Variants in SYNE1 observed in about 807,000 individuals in gnomAD.
SYNE1 encodes spectrin repeat containing nuclear envelope protein 1.
SYNE1 carries 616 observed loss-of-function variants against 1,111.0 expected under a neutral mutation model. The observed-to-expected ratio is 0.55, with a 90% CI of 0.52 to 0.59. The LOEUF (loss-of-function observed/expected upper bound fraction) is 0.59. Ranked by LOEUF, SYNE1 falls within the 20% of genes least tolerant of loss-of-function variation. SYNE1 has a pLI of 0.00. For missense variants in SYNE1, 10,006 were observed against 10,417.0 expected (o/e 0.96, Z 1.72); for synonymous variants, 3,855 against 3,825.8 (o/e 1.01, Z -0.28).
At chr6:152,186,490 A>C (rs565199519) in intron 128 of SYNE1, among the ~76,000 whole-genome samples, 14 of 133,124 alleles carry the variant, frequency 1.1e-4, no homozygotes, top group African/African-American at 3.9e-4. Context: ...CAGGAGGTGG[A>C]GTCTGCGGTG....
intron 11 of SYNE1, among the ~76,000 whole-genome samples, chr6:152,492,405 C>T (rs565225579): frequency 6.6e-6 from 1 of 152,340 alleles, no homozygotes; most frequent in South Asian, 2.1e-4. Flanking sequence ...AGCCACATCT[C>T]CAGCACACAA....
chr6:152,460,905 C>T lies in SYNE1; in HGVS notation c.2394+692G>A, dbSNP rs559374659. ...TGGGCTCACTGCAACCTCTGCCTCC[C>T]GGGTTCAAGTGATTCTCCTGCCTCA... is the stretch of plus-strand genomic sequence containing the variant. On this transcript the variant is annotated intron_variant, in intron 21 of 145. Transcript: ENST00000367255. 3.1e-3 allele frequency among the ~76,000 whole-genome samples: 464 copies of T among 147,958 alleles called. 2 individuals are homozygous for T. Among genetic ancestry groups the T allele is most frequent in the Non-Finnish European group, 4.7e-3 (318 of 67,386 alleles).
intron 104 of SYNE1, among the ~76,000 whole-genome samples, chr6:152,252,942 G>A (rs1424449761): frequency 6.6e-6 from 1 of 152,128 alleles, no homozygotes; most frequent in Non-Finnish European, 1.5e-5. Context: ...AAGTTTAAAA[G>A]TATGAAAGTA....
intron 145 of SYNE1, chr6:152,127,140 C>T (rs757505546): frequency 2.0e-5 from 3 of 152,090 alleles, no homozygotes; most frequent in Non-Finnish European, 4.4e-5. Flanking sequence ...CCTAAACTAC[C>T]TGAGGCAGCC....
chr6:152,481,644 G>A (rs987091725), intron 14 of SYNE1: 1 of 412,788 alleles, frequency 2.4e-6, no homozygotes, highest in Non-Finnish European at 4.8e-6. Flanking sequence ...TGTTATATAT[G>A]CTTAGTTGCT....
chr6:152,308,549 C>T lies in SYNE1; in HGVS notation c.17286G>A (p.Glu5762=). Residue 5762 remains glutamate, a synonymous_variant, in exon 91 of 146, where the codon GAG becomes GAA. Transcript: ENST00000367255. ...TGTTACTGGTGGCAACAGGTTTATCCTCAATCTCTCTGTGAGCTCCTTCTA... is the reference window on the plus strand; with the variant it reads ...TGTTACTGGTGGCAACAGGTTTATCTTCAATCTCTCTGTGAGCTCCTTCTA... The part of the protein sequence containing the change: ...QLIEGAHREI[E]DKPVATSNIQ... The T allele has an allele frequency of 5.6e-6, 9 of 1,613,796 alleles. No individual in the cohort carries two copies. Among genetic ancestry groups the T allele is most frequent in the Non-Finnish European group, 7.6e-6 (9 of 1,179,984 alleles).
In SYNE1 at chr6:152,409,464, A is replaced by C. The variant is rs569856552; in HGVS notation, c.6381+95T>G. The C allele has an allele frequency of 1.7e-5, 25 of 1,503,064 alleles. No individual in the cohort carries two copies. The African/African-American group carries it at 2.6e-4, about 16-fold the overall frequency. The allele number at this position is 1,503,064 out of a possible 1,614,324, so 93.1% of individuals were successfully genotyped here. ...CATTAGCATGAATTACCCACATCTA[A>C]GTATACTGATAAGAATAGTGCAGAT... is the stretch of plus-strand genomic sequence containing the variant. On this transcript the variant is annotated intron_variant, in intron 43 of 145. Coordinates refer to ENST00000367255, the MANE Select transcript of SYNE1 (RefSeq NM_182961.4).
intron 126 of SYNE1, 59 bp downstream of exon 126, chr6:152,206,109 A>G: frequency 6.8e-7 from 1 of 1,470,064 alleles, no homozygotes; most frequent in Admixed American, 1.7e-5. Context: ...TAACAATGGG[A>G]GGAAGTAGTA....
At chr6:152,465,061 C>T in intron 18 of SYNE1, 197 bp downstream of exon 18, 1 of 623,888 alleles carries the variant, frequency 1.6e-6, no homozygotes, top group Admixed American at 2.5e-5. Context: ...ATTGGATTTA[C>T]TCAACCCTCC....
Position 152,508,719 on chromosome 6 carries a change from A to G in SYNE1, c.581+1474T>C, listed in dbSNP as rs550476436. Among the ~76,000 whole-genome samples the G allele has an allele frequency of 2.0e-5, 3 of 152,320 alleles. No individual in the cohort carries two copies. The South Asian group carries it at 6.2e-4, about 32-fold the overall frequency. ...GTAATGCCACTGTGGATGCAATTAA[A>G]CAGTGTTCCAGCAATGTGGGAAGGG... is the stretch of plus-strand genomic sequence containing the variant. On this transcript the variant is annotated intron_variant, in intron 8 of 145. Transcript: ENST00000367255.
At chr6:152,218,598 T>G (rs2079319046) in intron 120 of SYNE1, among the ~76,000 whole-genome samples, 195 bp from the exon 121 acceptor site, 1 of 152,228 alleles carries the variant, frequency 6.6e-6, no homozygotes, top group Non-Finnish European at 1.5e-5. Flanking sequence ...CTAAAAACTA[T>G]AATTATTTCT....
At chr6:152,600,132 C>T (rs911118240) in intron 3 of SYNE1, among the ~76,000 whole-genome samples, 6 of 152,264 alleles carry the variant, frequency 3.9e-5, no homozygotes, top group Non-Finnish European at 7.4e-5. Context: ...TATGACTTCA[C>T]ATATAGTATG....
rs780263411 is a variant in SYNE1, at chr6:152,122,672, T to A, written c.26158A>T (p.Thr8720Ser). The change falls in exon 146 of 146, where the codon ACA becomes TCA. Residue 8720 changes from threonine (T) to serine (S), a missense_variant. This residue lies in a region of SYNE1 where 761 missense variants were observed against 795.5 expected (regional missense o/e 0.96). Coordinates refer to ENST00000367255, the MANE Select transcript of SYNE1 (RefSeq NM_182961.4). Reference sequence around the variant, plus strand: ...AGGGAGGAATCGGAGCCACCTTTTGTGGACCTGAGAGAAGAATGGACATAA... The same window carrying A: ...AGGGAGGAATCGGAGCCACCTTTTGAGGACCTGAGAGAAGAATGGACATAA... The part of the protein sequence containing the change: ...PSVSSPHSRS[T>S]KGGSDSSLSE... 2.2e-5 allele frequency: 35 copies of A among 1,613,750 alleles called. No individual in the cohort carries two copies. Among genetic ancestry groups the A allele is most frequent in the Non-Finnish European group, 3.0e-5 (35 of 1,179,904 alleles).
At chr6:152,265,000 G>A (rs570781562) in intron 100 of SYNE1, among the ~76,000 whole-genome samples, 203 of 152,074 alleles carry the variant, frequency 1.3e-3, no homozygotes, top group Non-Finnish European at 2.5e-3. Context: ...ACTTAGGTCC[G>A]GAGTTCAAGA....
chr6:152,588,688 G>A (rs1269090245), intron 3 of SYNE1, among the ~76,000 whole-genome samples: 1 of 152,146 alleles, frequency 6.6e-6, no homozygotes, highest in African/African-American at 2.4e-5. Flanking sequence ...AGGCTTCCTC[G>A]CTTTGCAGTT....
intron 127 of SYNE1, among the ~76,000 whole-genome samples, chr6:152,196,360 T>C (rs913805442): frequency 7.9e-5 from 12 of 152,076 alleles, no homozygotes; most frequent in Non-Finnish European, 1.6e-4. Context: ...ACTCTCTTCA[T>C]AGCCACCGCA....
Position 152,364,708 on chromosome 6 carries a change from G to C in SYNE1, c.10145+139C>G, listed in dbSNP as rs531150935. 1.3e-5 allele frequency: 11 copies of C among 879,916 alleles called. No homozygotes were observed. In the African/African-American group the frequency reaches 1.9e-4, roughly 15 times the overall value. 54.5% of individuals were successfully genotyped at this position (879,916 alleles called of 1,614,324 possible). ...AAGGAGGAAGGAAGGAAGGAAGGAA[G>C]GAAGGAAGGAAGGAAGGAAGGGAGG... On this transcript the variant is annotated intron_variant, in intron 63 of 145. Transcript: ENST00000367255.
chr6:152,619,346 C>T (rs2099670044), intron 3 of SYNE1, among the ~76,000 whole-genome samples: 1 of 151,726 alleles, frequency 6.6e-6, no homozygotes, highest in Admixed American at 6.6e-5. Flanking sequence ...GGTCACACAG[C>T]CACCAGCACA....
intron 127 of SYNE1, among the ~76,000 whole-genome samples, chr6:152,192,629 G>A (rs183253562): frequency 9.1e-4 from 139 of 151,978 alleles, no homozygotes; most frequent in East Asian, 7.7e-4. Context: ...ACATCACCAT[G>A]TCCGACTAAT....
Sources: gnomAD v4.1 joint callset for allele counts (sites outside exome capture counted in the v4.1 genomes callset) on GRCh38, gnomAD v4.1.1 for gene constraint, gnomAD v4.1.1 regional missense constraint, MANE v1.5 for transcripts, NCBI Gene and HGNC (gene_info 2026-07-23, HGNC 2026-07-21) for gene names.